The following ANKRD16 variants were observed in gnomAD, a reference collection of about 807,000 sequenced individuals.
ANKRD16 encodes ankyrin repeat domain-containing protein 16.
Under a neutral mutation model 37.9 loss-of-function variants are expected in ANKRD16, and 35 were observed. The observed-to-expected ratio is 0.92, with a 90% CI of 0.71 to 1.23. ANKRD16 has a LOEUF of 1.23. Among genes scored for constraint, ANKRD16 ranks in the 50% most tolerant of loss-of-function variants. The pLI is 0.00. For missense variants in ANKRD16, 480 were observed against 469.9 expected, an observed-to-expected ratio of 1.02 and a Z score of -0.20; for synonymous variants, 206 against 197.2, an observed-to-expected ratio of 1.04 and a Z score of -0.37.
At chr10:5,883,206 T>A in intron 4 of ANKRD16, 39 bp from the exon 5 acceptor site, 1 of 1,598,264 alleles carries the variant, frequency 6.3e-7, no homozygotes, top group Non-Finnish European at 8.5e-7. Flanking sequence ...AGGTCAAAGA[T>A]AAGAAACAGG....
rs1842464352 is a variant in ANKRD16, at chr10:5,887,781, G to C, written c.535+66C>G. 4 of 1,460,368 alleles carry C rather than the reference G, an allele frequency of 2.7e-6. No homozygotes were observed. In the African/African-American group the frequency reaches 4.2e-5, roughly 15 times the overall value. The allele number at this position is 1,460,368 out of a possible 1,614,324, so 90.5% of individuals were successfully genotyped here. On this transcript the variant is annotated intron_variant, in intron 2 of 7. Transcript: ENST00000380094. The stretch of plus-strand genomic sequence containing the variant: ...CTGAAGGTGACCTGAACAAGATGCG[G>C]TTGGGCAGTGCTGGGTGAAGCAGCC...
Position 5,883,130 on chromosome 10 carries a change from G to A in ANKRD16, c.725C>T (p.Ala242Val), listed in dbSNP as rs774503557. Residue 242 changes from alanine to valine, a missense_variant, in exon 5 of 8, where the codon GCT becomes GTT. Coordinates refer to ENST00000380094, the MANE Select transcript of ANKRD16 (RefSeq NM_019046.3). Reference sequence around the variant, plus strand: ...CCCTGTGACAGCTGCCCTGTGCAGAGCCTGGGCACCCAGGCTGTCTTCTGC... The same window carrying A: ...CCCTGTGACAGCTGCCCTGTGCAGAACCTGGGCACCCAGGCTGTCTTCTGC... ...LSAEDSLGAQ[A>V]LHRAAVTGQD... 1.9e-6 allele frequency: 3 copies of A among 1,614,016 alleles called. No individual in the cohort carries two copies. Among genetic ancestry groups the A allele is most frequent in the Admixed American group, 1.7e-5 (1 of 60,014 alleles).
chr10:5,873,083 G>A (rs1478255363), intron 7 of ANKRD16, among the ~76,000 whole-genome samples: 1 of 147,754 alleles, frequency 6.8e-6, no homozygotes, highest in Non-Finnish European at 1.5e-5. Flanking sequence ...AGGCTGGAGT[G>A]CAGTGACATG....
rs115696149 is a variant in ANKRD16, at chr10:5,882,092, T to G, written c.849+914A>C. On this transcript the variant is annotated intron_variant, in intron 5 of 7. Transcript: ENST00000380094. ...GGCCTATAAAATAATTTATACACTC[T>G]TTGTCTAGCCAGTTAGTCTGCTACT... Among the ~76,000 whole-genome samples the G allele has an allele frequency of 4.1e-3, 619 of 152,154 alleles. 6 individuals carry two copies. Among genetic ancestry groups the G allele is most frequent in the African/African-American group, 0.014 (590 of 41,526 alleles).
At chr10:5,872,841 C>A (rs1050540691) in intron 7 of ANKRD16, among the ~76,000 whole-genome samples, 5 of 151,138 alleles carry the variant, frequency 3.3e-5, no homozygotes, top group Admixed American at 6.6e-5. Context: ...CAGGCGTGAG[C>A]CACCGCGCCC....
rs71388490 is a variant in ANKRD16 at position 5,861,897 on chromosome 10, CTTT to C, written c.*825_*827del. 5 of 129,952 alleles carry C rather than the reference CTTT, an allele frequency of 3.8e-5. No homozygotes were observed. The highest frequency in any genetic ancestry group is 7.9e-5 in the Admixed American group (1 of 12,634). The allele number at this position is 129,952 out of a possible 1,614,324, so 8.0% of individuals were successfully genotyped here. On this transcript the variant is annotated 3_prime_UTR_variant, in exon 8 of 8. Coordinates refer to ENST00000380094, the MANE Select transcript of ANKRD16 (RefSeq NM_019046.3). Reference sequence around the variant, plus strand: ...ACAGACTGGGCAGGCCCCAGGAATTCTTTTTTTTTTTTTTTTTTTTTGGAGACG... The same window carrying C: ...ACAGACTGGGCAGGCCCCAGGAATTCTTTTTTTTTTTTTTTTTTGGAGACG...
chr10:5,866,704 G>A lies in ANKRD16; in HGVS notation c.*34-4013C>T, dbSNP rs1450344968. Among the ~76,000 whole-genome samples, 2 of 152,204 alleles carry A rather than the reference G, an allele frequency of 1.3e-5. No individual in the cohort carries two copies. Among genetic ancestry groups the A allele is most frequent in the Non-Finnish European group, 2.9e-5 (2 of 68,046 alleles). On this transcript the variant is annotated intron_variant, in intron 7 of 7. Coordinates refer to ENST00000380094, the MANE Select transcript of ANKRD16 (RefSeq NM_019046.3). The surrounding 1 kb of genome is among the most constrained non-coding windows in gnomAD (Gnocchi z 4.3). ...CGCCGAAGCCATCAAAAAGGGGAAG[G>A]AGAGGGGAGAACAGCAGCGTAAGTG...
In ANKRD16 at chr10:5,887,847, C is replaced by A. The variant is rs746626915; in HGVS notation, c.535G>T (p.Ala179Ser). 1.9e-6 allele frequency: 3 copies of A among 1,612,594 alleles called. No homozygotes were observed. The highest frequency in any genetic ancestry group is 2.7e-5 in the African/African-American group (2 of 74,928). The change falls in exon 2 of 8, where the codon GCA (alanine) becomes TCA (serine). Residue 179 changes from alanine to serine, a missense_variant and splice_region_variant. Physicochemically the swap from Ala to Ser is moderately conservative, Grantham distance 99 (BLOSUM62 1). Transcript: ENST00000380094. Reference sequence around the variant, plus strand: ...TCACCTGCAGAGCTGTAGGCTGTACCTGCAGTATGCAGAGGAGTCCTTCTA... The same window carrying A: ...TCACCTGCAGAGCTGTAGGCTGTACATGCAGTATGCAGAGGAGTCCTTCTA... ...KIRRTPLHTA[A>S]MHGHLEAVKV...
intron 2 of ANKRD16, among the ~76,000 whole-genome samples, chr10:5,887,568 G>A (rs1449609634): frequency 6.6e-6 from 1 of 152,180 alleles, no homozygotes; most frequent in African/African-American, 2.4e-5. Flanking sequence ...ATTTTTAGTA[G>A]AGACGGCGTT....
At chr10:5,883,203 A>C (rs1054700734) in intron 4 of ANKRD16, 36 bp from the exon 5 acceptor site, 1 of 1,602,236 alleles carries the variant, frequency 6.2e-7, no homozygotes, top group Non-Finnish European at 8.5e-7. Context: ...CAAAGGTCAA[A>C]GATAAGAAAC....
intron 3 of ANKRD16, 54 bp from the exon 4 acceptor site, chr10:5,884,131 G>C: frequency 7.1e-7 from 1 of 1,409,076 alleles, no homozygotes; most frequent in Non-Finnish European, 1.0e-6. Context: ...TCAAACCCAG[G>C]GGACAGTTGA....
chr10:5,876,908 T>C (rs1274189036), intron 7 of ANKRD16, among the ~76,000 whole-genome samples: 1 of 152,110 alleles, frequency 6.6e-6, no homozygotes, highest in Non-Finnish European at 1.5e-5. Context: ...AGAAAAAGAA[T>C]CTAAATGCCT....
intron 2 of ANKRD16, among the ~76,000 whole-genome samples, chr10:5,887,281 C>G (rs1462233001): frequency 1.3e-5 from 2 of 151,880 alleles, no homozygotes; most frequent in African/African-American, 2.4e-5. Context: ...GAGGATAACA[C>G]AGATACACAC....
intron 2 of ANKRD16, among the ~76,000 whole-genome samples, chr10:5,886,696 A>G (rs1278061530): frequency 6.6e-6 from 1 of 152,258 alleles, no homozygotes; most frequent in Non-Finnish European, 1.5e-5. Context: ...CTAGAAAGCT[A>G]CAAGTTATAT....
chr10:5,880,326 G>C lies in ANKRD16; in HGVS notation c.900C>G (p.Ile300Met), dbSNP rs901309070. Residue 300 changes from isoleucine (I) to methionine (M), a missense_variant, in exon 6 of 8, where the codon ATC becomes ATG. Transcript: ENST00000380094. ...IQTLLSLGADINSKDEKNRSA... is the reference protein window; with the variant it reads ...IQTLLSLGADMNSKDEKNRSA... The stretch of plus-strand genomic sequence containing the variant: ...ATCGATTTTTTTCATCTTTAGAATT[G>C]ATGTCAGCTCCCAAGGATAAGAGAG... 14 of 1,601,046 alleles carry C rather than the reference G, an allele frequency of 8.7e-6. No individual in the cohort carries two copies. Among genetic ancestry groups the C allele is most frequent in the Non-Finnish European group, 1.1e-5 (13 of 1,174,704 alleles).
chr10:5,885,751 A>G lies in ANKRD16; in HGVS notation c.550T>C (p.Leu184=), dbSNP rs1419004149. The G allele has an allele frequency of 1.2e-6, 2 of 1,606,556 alleles. No homozygotes were observed. The highest frequency in any genetic ancestry group is 1.1e-5 in the South Asian group (1 of 88,762). ...TTAAGAAGCACCTTGACTGCCTCCA[A>G]ATGGCCATGCATTGCTGGGAGGAGA... ...PLHTAAMHGH[L]EAVKVLLKRC... The change falls in exon 3 of 8, where the codon TTG becomes CTG. Residue 184 remains leucine, a synonymous_variant. Coordinates refer to ENST00000380094, the MANE Select transcript of ANKRD16 (RefSeq NM_019046.3).
rs1422458887 is a variant in ANKRD16, at chr10:5,870,672, C to T, written c.*33+7425G>A. On this transcript the variant is annotated intron_variant, in intron 7 of 7. Transcript: ENST00000380094. The surrounding 1 kb of genome is among the most constrained non-coding windows in gnomAD (Gnocchi z 5.0). Reference sequence around the variant, plus strand: ...AAGTGTTGGGATTACAGGCGTGAGCCACGTGCCTGGCCATTGCTATTTTTA... The same window carrying T: ...AAGTGTTGGGATTACAGGCGTGAGCTACGTGCCTGGCCATTGCTATTTTTA... 1.3e-5 allele frequency among the ~76,000 whole-genome samples: 2 copies of T among 152,200 alleles called. No individual in the cohort carries two copies. The highest frequency in any genetic ancestry group is 1.9e-4 in the East Asian group (1 of 5,202).
chr10:5,867,981 T>C (rs1483269912), intron 7 of ANKRD16, among the ~76,000 whole-genome samples: 1 of 152,176 alleles, frequency 6.6e-6, no homozygotes, highest in Non-Finnish European at 1.5e-5. Context: ...GCAGGGATAG[T>C]ACGAGATGCC....
At chr10:5,867,473 G>A (rs1842032728) in intron 7 of ANKRD16, among the ~76,000 whole-genome samples, 1 of 152,238 alleles carries the variant, frequency 6.6e-6, no homozygotes, top group Non-Finnish European at 1.5e-5. Flanking sequence ...GAATCAGGAA[G>A]AAGCCATCTA....
Sources: allele counts gnomAD v4.1 joint callset (sites outside exome capture counted in the v4.1 genomes callset), GRCh38; gene constraint gnomAD v4.1.1; non-coding constraint Gnocchi (gnomAD v3.1); transcripts MANE v1.5; gene names NCBI Gene and HGNC (gene_info 2026-07-23, HGNC 2026-07-21).